LUZP2: variants seen among roughly 807,000 people sequenced by gnomAD.
LUZP2 encodes leucine zipper protein 2.
Under a neutral mutation model 51.6 loss-of-function variants are expected in LUZP2, and 52 were observed. The ratio of observed to expected loss-of-function variants is 1.01; its 90% CI spans 0.81 to 1.27. LUZP2 has a LOEUF of 1.27. LUZP2 is among the 50% of genes most tolerant of loss of function. LUZP2 has a pLI of 0.00. For missense variants in LUZP2, 436 were observed against 395.4 expected, an observed-to-expected ratio of 1.10 and a Z score of -0.87; for synonymous variants, 154 against 137.3, an observed-to-expected ratio of 1.12 and a Z score of -0.85.
Position 24,786,051 on chromosome 11 carries a change from T to G in LUZP2, c.396+22743T>G, listed in dbSNP as rs1156301413. 4.1e-6 allele frequency: 4 copies of G among 985,340 alleles called. No homozygotes were observed. The East Asian group carries it at 4.5e-4, about 112-fold the overall frequency. The allele number at this position is 985,340 out of a possible 1,614,324, so 61.0% of individuals were successfully genotyped here. A position where few individuals can be genotyped will look rare whatever the true frequency, so the allele number is the denominator to read the frequency against. On this transcript the variant is annotated intron_variant, in intron 5 of 11. Transcript: ENST00000336930. ...GAGTACATCAATGTATTAACTCATC[T>G]TTGCTGGTGGGCACATTTTTCATCG... is the stretch of plus-strand genomic sequence containing the variant.
At chr11:24,510,087 A>G (rs1001976412) in intron 1 of LUZP2, among the ~76,000 whole-genome samples, 4 of 152,186 alleles carry the variant, frequency 2.6e-5, no homozygotes, top group African/African-American at 9.7e-5. Flanking sequence ...AATTTTAGTA[A>G]TGGCAGCCAG....
At chr11:24,602,016 G>GAA (rs1853682390) in intron 1 of LUZP2, among the ~76,000 whole-genome samples, 1 of 129,538 alleles carries the variant, frequency 7.7e-6, no homozygotes, top group Non-Finnish European at 1.7e-5. Context: ...ATGTATATAT[G>GAA]TATATATGTG....
intron 1 of LUZP2, among the ~76,000 whole-genome samples, chr11:24,680,152 G>A (rs1856685932): frequency 6.6e-6 from 1 of 152,134 alleles, no homozygotes; most frequent in South Asian, 2.1e-4. Context: ...GAAAATAAAA[G>A]GAGAATAGTG....
chr11:24,909,734 T>C (rs1332352033), intron 6 of LUZP2, among the ~76,000 whole-genome samples: 4 of 152,226 alleles, frequency 2.6e-5, no homozygotes, highest in Non-Finnish European at 4.4e-5. Context: ...GTGAGTCAAT[T>C]AAACTCTTTC....
intron 1 of LUZP2, among the ~76,000 whole-genome samples, chr11:24,721,164 G>A (rs895294430): frequency 4.6e-5 from 7 of 152,194 alleles, no homozygotes; most frequent in Non-Finnish European, 8.8e-5. Context: ...GAATGACACA[G>A]GGATTTCTAT....
At chr11:24,667,507 TA>T in intron 1 of LUZP2, among the ~76,000 whole-genome samples, 1 of 152,270 alleles carries the variant, frequency 6.6e-6, no homozygotes, top group South Asian at 2.1e-4. Context: ...TGTATAGATT[TA>T]AATATGCAAT....
chr11:24,923,356 G>T (rs1214063188), intron 7 of LUZP2, among the ~76,000 whole-genome samples: 1 of 152,004 alleles, frequency 6.6e-6, no homozygotes, highest in African/African-American at 2.4e-5. Flanking sequence ...CTTGAAAACT[G>T]AGTCTCTCCA....
At chr11:24,644,875 A>G (rs1265545847) in intron 1 of LUZP2, among the ~76,000 whole-genome samples, 1 of 152,192 alleles carries the variant, frequency 6.6e-6, no homozygotes, top group Non-Finnish European at 1.5e-5. Flanking sequence ...ACAAAAGTGA[A>G]GGCCATAATT....
chr11:24,910,850 A>G (rs777924178), intron 6 of LUZP2, among the ~76,000 whole-genome samples: 2 of 152,158 alleles, frequency 1.3e-5, no homozygotes. Context: ...AGAATGGTAG[A>G]TCCACCGACA....
intron 5 of LUZP2, among the ~76,000 whole-genome samples, chr11:24,780,820 A>C (rs1849069644): frequency 6.6e-6 from 1 of 152,154 alleles, no homozygotes; most frequent in Admixed American, 6.6e-5. Context: ...TTCATCATAT[A>C]ATATTGGTTT....
At chr11:24,533,270 A>C (rs1851069381) in intron 1 of LUZP2, among the ~76,000 whole-genome samples, 1 of 151,210 alleles carries the variant, frequency 6.6e-6, no homozygotes, top group Non-Finnish European at 1.5e-5. Flanking sequence ...GGGAAGTTCC[A>C]CATATTTTTC....
intron 1 of LUZP2, among the ~76,000 whole-genome samples, chr11:24,540,024 T>A (rs10767208): frequency 0.41 from 62,304 of 151,822 alleles, 13,324 homozygotes; most frequent in African/African-American, 0.5. Context: ...AACATTTCCC[T>A]AGTTAGGGTG....
At chr11:24,623,118 G>C (rs1173840707) in intron 1 of LUZP2, among the ~76,000 whole-genome samples, 2 of 151,806 alleles carry the variant, frequency 1.3e-5, no homozygotes, top group Admixed American at 1.3e-4. Context: ...CATACACACA[G>C]AGAGATTGAG....
At chr11:24,661,141 C>A (rs1322320955) in intron 1 of LUZP2, among the ~76,000 whole-genome samples, 2 of 149,662 alleles carry the variant, frequency 1.3e-5, no homozygotes, top group Non-Finnish European at 3.0e-5. Context: ...AAATATTTGA[C>A]ATTGTTCTTT....
At chr11:24,999,299 G>A (rs899186271) in intron 9 of LUZP2, among the ~76,000 whole-genome samples, 10 of 151,696 alleles carry the variant, frequency 6.6e-5, no homozygotes, top group Non-Finnish European at 1.0e-4. Context: ...GGGAGATACA[G>A]ATATTGCAAT....
intron 1 of LUZP2, among the ~76,000 whole-genome samples, chr11:24,657,793 G>C (rs1057492146): frequency 2.0e-5 from 3 of 152,066 alleles, no homozygotes; most frequent in African/African-American, 4.8e-5. Context: ...AACAAACAGA[G>C]AGCCAAATCA....
intron 4 of LUZP2, among the ~76,000 whole-genome samples, chr11:24,759,887 T>C (rs1859918758): frequency 3.3e-5 from 5 of 152,158 alleles, no homozygotes; most frequent in Admixed American, 3.3e-4. Flanking sequence ...TAAGGACATG[T>C]CAGTGACAAA....
rs1457492725 is a variant in LUZP2 at position 24,509,287 on chromosome 11, G to A, written c.62+11982G>A. Among the ~76,000 whole-genome samples the A allele has an allele frequency of 2.0e-5, 3 of 151,954 alleles. No homozygotes were observed. The East Asian group carries it at 5.8e-4, about 29-fold the overall frequency. On this transcript the variant is annotated intron_variant, in intron 1 of 11. Transcript: ENST00000336930. The stretch of plus-strand genomic sequence containing the variant: ...ATTTTTCTTAGAAAGTCGTTTGGCT[G>A]GAACTGTTCTTCCACTGGTAATCAG...
Position 24,866,334 on chromosome 11 carries a change from T to C in LUZP2, c.397-39657T>C, listed in dbSNP as rs2134256616. On this transcript the variant is annotated intron_variant, in intron 5 of 11. Coordinates refer to ENST00000336930, the MANE Select transcript of LUZP2 (RefSeq NM_001009909.4). ...ATAATCTCATGGGCATAATTTTCTG[T>C]ATAACTATCCCATCAGGGAGGAAAA... 2.0e-5 allele frequency among the ~76,000 whole-genome samples: 3 copies of C among 152,182 alleles called. No individual in the cohort carries two copies. The Middle Eastern group carries it at 0.01, about 518-fold the overall frequency.
Sources: allele counts gnomAD v4.1 joint callset (sites outside exome capture counted in the v4.1 genomes callset), GRCh38; gene constraint gnomAD v4.1.1; transcripts MANE v1.5; gene names NCBI Gene and HGNC (gene_info 2026-07-23, HGNC 2026-07-21).